The following FBXO21 variants were observed in gnomAD, a reference collection of about 807,000 sequenced individuals.
FBXO21 encodes F-box protein 21, also known as F-box only protein 21.
In FBXO21, 32 loss-of-function variants were observed where a neutral mutation model predicts 76.6. That is an observed-to-expected ratio of 0.42 (90% CI 0.32 to 0.56). The LOEUF is 0.56. FBXO21 is among the 20% of genes least tolerant of loss of function. FBXO21 has a pLI of 0.16. For missense variants in FBXO21, 586 were observed against 797.3 expected, an observed-to-expected ratio of 0.73 and a Z score of 3.19; for synonymous variants, 328 against 311.5, an observed-to-expected ratio of 1.05 and a Z score of -0.56.
chr12:117,152,537 A>G (rs5003339), intron 11 of FBXO21, among the ~76,000 whole-genome samples: 27,120 of 150,492 alleles, frequency 0.18, 3,169 homozygotes, highest in Admixed American at 0.35. Flanking sequence ...AAAGGGGGGA[A>G]AAAAAATGAA....
intron 7 of FBXO21, among the ~76,000 whole-genome samples, chr12:117,169,223 C>T (rs1484656403): frequency 6.6e-6 from 1 of 152,106 alleles, no homozygotes; most frequent in African/African-American, 2.4e-5. Context: ...AACAAAGGAA[C>T]AGAAAACCAA....
At chr12:117,180,514 G>A (rs970344372) in intron 3 of FBXO21, among the ~76,000 whole-genome samples, 1 of 152,076 alleles carries the variant, frequency 6.6e-6, no homozygotes, top group African/African-American at 2.4e-5. Flanking sequence ...GCTTCTCCAG[G>A]ATATCACAGG....
rs1341525467 is a variant in FBXO21 at position 117,190,364 on chromosome 12, GACGAGGCAGCTGAGGCCCGCT to G, written c.72_92del (p.Ala25_Val31del). 6.5e-7 allele frequency: 1 copy of G among 1,529,742 alleles called. No individual in the cohort carries two copies. Among genetic ancestry groups the G allele is most frequent in the South Asian group, 1.2e-5 (1 of 82,660 alleles). 94.8% of individuals were successfully genotyped at this position (1,529,742 alleles called of 1,614,324 possible). A position where few individuals can be genotyped will look rare whatever the true frequency, so the allele number is the denominator to read the frequency against. ...ACTCCAGCACCTCACCCGGCAGGTT[GACGAGGCAGCTGAGGCCCGCT>G]ACCTCCGGCGCGGCCTCCTCCGCCA... is the stretch of plus-strand genomic sequence containing the variant. On this transcript the variant is annotated inframe_deletion, in exon 1 of 12. Transcript: ENST00000622495.
chr12:117,158,666 C>T (rs1401634625), intron 9 of FBXO21, among the ~76,000 whole-genome samples: 1 of 152,146 alleles, frequency 6.6e-6, no homozygotes, highest in Non-Finnish European at 1.5e-5. Context: ...AAGGAGGGAG[C>T]CACGTATATC....
intron 9 of FBXO21, among the ~76,000 whole-genome samples, chr12:117,162,531 C>T (rs973799351): frequency 2.6e-5 from 4 of 152,182 alleles, no homozygotes; most frequent in East Asian, 1.9e-4. Context: ...TCAGTACTCC[C>T]GACTTAAAAT....
chr12:117,149,521 G>C (rs1415054986), intron 11 of FBXO21, among the ~76,000 whole-genome samples: 1 of 152,194 alleles, frequency 6.6e-6, no homozygotes, highest in African/African-American at 2.4e-5. Context: ...GGGCTCTTTT[G>C]CTACTAAAGG....
rs189095646 is a variant in FBXO21, at chr12:117,166,433, T to C, written c.1193+465A>G. Among the ~76,000 whole-genome samples the C allele has an allele frequency of 2.5e-4, 38 of 152,300 alleles. No individual in the cohort carries two copies. The East Asian group carries it at 7.0e-3, about 28-fold the overall frequency. On this transcript the variant is annotated intron_variant, in intron 8 of 11. Transcript: ENST00000622495. ...TTGACAGTGAGGGAGGCTGTGCATG[T>C]GTAGGGCAGGGAGGATATGGGAACT...
intron 6 of FBXO21, 95 bp downstream of exon 6, chr12:117,174,110 C>T: frequency 9.4e-7 from 1 of 1,058,680 alleles, no homozygotes; most frequent in South Asian, 1.4e-5. Flanking sequence ...GCATTCCAGC[C>T]TGAGCAACAG....
intron 2 of FBXO21, among the ~76,000 whole-genome samples, chr12:117,188,296 A>C (rs1956305572): frequency 6.6e-6 from 1 of 152,198 alleles, no homozygotes; most frequent in South Asian, 2.1e-4. Context: ...TGTAATCCCA[A>C]CACTTTGGTT....
At chr12:117,155,205 C>G (rs1955897868) in intron 11 of FBXO21, 1 of 152,804 alleles carries the variant, frequency 6.5e-6, no homozygotes, top group African/African-American at 2.4e-5. Context: ...GCATTCTTGT[C>G]TCTTACCAGC....
At position 117,144,212 on chromosome 12, in the gene FBXO21, T is replaced by C. The variant is rs550346570; in HGVS notation, c.*1875A>G. 4 of 152,250 alleles carry C rather than the reference T, an allele frequency of 2.6e-5. No individual in the cohort carries two copies. Among genetic ancestry groups the C allele is most frequent in the African/African-American group, 9.6e-5 (4 of 41,466 alleles). 9.4% of individuals were successfully genotyped at this position (152,250 alleles called of 1,614,324 possible). ...AAACCAACAATTGCAACTCTCAGCA[T>C]GCTCAGGTTCTTATTAATGCATCTC... On this transcript the variant is annotated 3_prime_UTR_variant, in exon 12 of 12. Transcript: ENST00000622495.
In FBXO21 at chr12:117,177,591, C is replaced by T. The variant is rs1956187942; in HGVS notation, c.521G>A (p.Arg174Gln). The T allele has an allele frequency of 7.4e-6, 12 of 1,613,700 alleles. No individual in the cohort carries two copies. Among genetic ancestry groups the T allele is most frequent in the South Asian group, 3.3e-5 (3 of 91,050 alleles). ...AAGATTATTTAAGATCTTCTGTTGC[C>T]GCAGGTAGTAAAGAATTTTTTTTGC... ...YYAKKILYYL[R>Q]QQKILNNLKA... Residue 174 changes from arginine (R) to glutamine (Q), a missense_variant, in exon 4 of 12, where the codon CGG (arginine) becomes CAG (glutamine). Physicochemically the swap from Arg to Gln is conservative, Grantham distance 43 (BLOSUM62 1). This residue lies in a region of FBXO21 where 246 missense variants were observed against 356.8 expected (regional missense o/e 0.69). Transcript: ENST00000622495.
At chr12:117,176,855 A>C (rs1956180205) in intron 4 of FBXO21, among the ~76,000 whole-genome samples, 2 of 152,218 alleles carry the variant, frequency 1.3e-5, no homozygotes, top group South Asian at 4.1e-4. Context: ...AAAAATCAAC[A>C]ATCTGGTAAA....
At chr12:117,173,711 GA>G (rs746798800) in intron 6 of FBXO21, among the ~76,000 whole-genome samples, 4 of 152,142 alleles carry the variant, frequency 2.6e-5, no homozygotes, top group Non-Finnish European at 5.9e-5. Flanking sequence ...GCATATGGAG[GA>G]TACTCCATGA....
At chr12:117,157,180 C>G (rs1592873319) in intron 10 of FBXO21, among the ~76,000 whole-genome samples, 1 of 134,094 alleles carries the variant, frequency 7.5e-6, no homozygotes, top group Non-Finnish European at 1.6e-5. Flanking sequence ...AGACTGTCTC[C>G]AAAGAAAAAA....
intron 10 of FBXO21, 43 bp from the exon 11 acceptor site, chr12:117,155,991 C>A: frequency 6.3e-7 from 1 of 1,595,478 alleles, no homozygotes; most frequent in Non-Finnish European, 8.6e-7. Flanking sequence ...CAGACCCGGC[C>A]GCAACAACCT....
intron 4 of FBXO21, among the ~76,000 whole-genome samples, chr12:117,176,331 G>C (rs1352909007): frequency 6.6e-6 from 1 of 152,160 alleles, no homozygotes. Flanking sequence ...ATTTTCAAGA[G>C]GGATTATGAG....
chr12:117,160,300 G>C (rs1354645898), intron 9 of FBXO21, among the ~76,000 whole-genome samples: 1 of 152,142 alleles, frequency 6.6e-6, no homozygotes, highest in Non-Finnish European at 1.5e-5. Flanking sequence ...GCTGGCCCCT[G>C]CTCTGTCCCT....
chr12:117,189,507 A>G (rs749929370), intron 1 of FBXO21, 145 bp from the exon 2 acceptor site: 72 of 748,882 alleles, frequency 9.6e-5, no homozygotes, highest in Non-Finnish European at 1.4e-4. Flanking sequence ...AAACCCCACC[A>G]GCATTCACTC....
Sources: gnomAD v4.1 joint callset for allele counts (sites outside exome capture counted in the v4.1 genomes callset) on GRCh38, gnomAD v4.1.1 for gene constraint, gnomAD v4.1.1 regional missense constraint, MANE v1.5 for transcripts, NCBI Gene and HGNC (gene_info 2026-07-23, HGNC 2026-07-21) for gene names.